The following AFF3 variants were observed in gnomAD, a reference collection of about 807,000 sequenced individuals.
AFF3 encodes the protein AF4/FMR2 family member 3.
Under a neutral mutation model 129.7 loss-of-function variants are expected in AFF3, and 32 were observed. The ratio of observed to expected loss-of-function variants is 0.25; its 90% confidence interval spans 0.19 to 0.33. The LOEUF (loss-of-function observed/expected upper bound fraction) is 0.33, where lower values mean the gene tolerates loss of function less well. AFF3 is among the 10% of genes least tolerant of loss of function. AFF3 has a pLI of 1.00. For missense variants in AFF3, 1,373 were observed against 1,592.0 expected (o/e 0.86, Z 2.34); for synonymous variants, 644 against 635.4 (o/e 1.01, Z -0.20).
chr2:100,006,360 A>C (rs186020178), intron 7 of AFF3: 1 of 325,922 alleles, frequency 3.1e-6, no homozygotes, highest in Admixed American at 4.4e-5. Context: ...GAAAATTCTC[A>C]AACTATAGTG....
chr2:100,140,026 A>G (rs1410968326), intron 1 of AFF3, among the ~76,000 whole-genome samples: 1 of 152,206 alleles, frequency 6.6e-6, no homozygotes, highest in African/African-American at 2.4e-5. Context: ...ATTAAGAACC[A>G]ACATTATTTA....
At chr2:99,896,825 C>T (rs1411226882) in intron 7 of AFF3, among the ~76,000 whole-genome samples, 3 of 151,356 alleles carry the variant, frequency 2.0e-5, no homozygotes, top group Admixed American at 6.6e-5. Context: ...TTAGTAGAGA[C>T]GGGGTTTCAC....
intron 7 of AFF3, among the ~76,000 whole-genome samples, chr2:99,866,877 G>C (rs2105938507): frequency 6.6e-6 from 1 of 151,338 alleles, no homozygotes; most frequent in Non-Finnish European, 1.5e-5. Context: ...TTGGGAGGCT[G>C]AGGCAGGAGA....
intron 7 of AFF3, among the ~76,000 whole-genome samples, chr2:99,896,619 GCTT>G (rs1558955558): frequency 1.1e-4 from 5 of 44,190 alleles, no homozygotes; most frequent in African/African-American, 3.3e-4. Flanking sequence ...CTGTCAAAAT[GCTT>G]TTTTTTTTTT....
At chr2:99,662,071 C>A (rs1418745943) in intron 12 of AFF3, among the ~76,000 whole-genome samples, 2 of 151,724 alleles carry the variant, frequency 1.3e-5, no homozygotes, top group African/African-American at 4.8e-5. Flanking sequence ...ACCCGGGAGG[C>A]GGAGGTTGCA....
intron 7 of AFF3, among the ~76,000 whole-genome samples, chr2:99,852,873 A>T (rs1261120604): frequency 6.6e-6 from 1 of 152,220 alleles, no homozygotes; most frequent in Non-Finnish European, 1.5e-5. Flanking sequence ...AAAAGACAAA[A>T]ATACAACAAC....
chr2:99,697,742 A>G (rs952144367), intron 11 of AFF3, among the ~76,000 whole-genome samples: 1 of 152,138 alleles, frequency 6.6e-6, no homozygotes, highest in African/African-American at 2.4e-5. Flanking sequence ...TCTGGTGTTA[A>G]CTCCTCAGCC....
chr2:99,696,954 T>G, intron 11 of AFF3, among the ~76,000 whole-genome samples: 1 of 152,208 alleles, frequency 6.6e-6, no homozygotes, highest in East Asian at 1.9e-4. Flanking sequence ...CCTGATGAAA[T>G]TCTTGATGGC....
chr2:99,601,688 C>T, intron 13 of AFF3, 67 bp from the exon 14 acceptor site: 1 of 1,538,622 alleles, frequency 6.5e-7, no homozygotes, highest in Non-Finnish European at 8.7e-7. Context: ...AGGAAAACAC[C>T]ACCAAGCTGT....
At chr2:100,011,223 G>A (rs1034923616) in intron 4 of AFF3, among the ~76,000 whole-genome samples, 4 of 152,148 alleles carry the variant, frequency 2.6e-5, no homozygotes, top group African/African-American at 9.7e-5. Context: ...GCAGTGAGCC[G>A]AGATTGCGCC....
chr2:99,935,678 C>T (rs1043853538), intron 7 of AFF3, among the ~76,000 whole-genome samples: 1 of 152,190 alleles, frequency 6.6e-6, no homozygotes, highest in African/African-American at 2.4e-5. Flanking sequence ...GTTTCTAGGA[C>T]CCCATAAATA....
chr2:99,734,874 G>A (rs1482751717), intron 10 of AFF3, among the ~76,000 whole-genome samples: 2 of 151,858 alleles, frequency 1.3e-5, no homozygotes, highest in Non-Finnish European at 2.9e-5. Context: ...AGGTTATACT[G>A]CCTTGATATA....
intron 2 of AFF3, among the ~76,000 whole-genome samples, chr2:100,108,346 A>T (rs2105519246): frequency 6.6e-6 from 1 of 152,100 alleles, no homozygotes; most frequent in African/African-American, 2.4e-5. Context: ...CTAGGATTCG[A>T]GGTGCCTTTC....
chr2:99,681,353 T>C (rs1674510125), intron 11 of AFF3, among the ~76,000 whole-genome samples: 1 of 152,190 alleles, frequency 6.6e-6, no homozygotes, highest in Non-Finnish European at 1.5e-5. Context: ...GGGTTTAGCA[T>C]TACCTGGGAT....
chr2:100,076,947 G>A (rs746503539), intron 4 of AFF3, among the ~76,000 whole-genome samples: 2 of 152,262 alleles, frequency 1.3e-5, no homozygotes, highest in Admixed American at 6.5e-5. Context: ...CTGTGCAGAT[G>A]TAAGTTAAAG....
chr2:99,570,525 A>G (rs1676379987), intron 18 of AFF3, among the ~76,000 whole-genome samples: 1 of 151,944 alleles, frequency 6.6e-6, no homozygotes, highest in Admixed American at 6.6e-5. Context: ...TTTAGTGGAG[A>G]CGGGGTTTTG....
At chr2:99,652,518 A>G (rs62154539) in intron 12 of AFF3, among the ~76,000 whole-genome samples, 15,533 of 152,186 alleles carry the variant, frequency 0.1, 908 homozygotes, top group East Asian at 0.16. Flanking sequence ...GCTGTAGGGA[A>G]CATGAGCTCC....
chr2:99,892,222 TTAA>T (rs1693622129), intron 7 of AFF3, among the ~76,000 whole-genome samples: 1 of 152,204 alleles, frequency 6.6e-6, no homozygotes, highest in Non-Finnish European at 1.5e-5. Flanking sequence ...AATGTCAAAA[TTAA>T]TAATGTTTAA....
Position 99,547,578 on chromosome 2 carries a change from T to C in AFF3, c.*3896A>G. On this transcript the variant is annotated 3_prime_UTR_variant, in exon 25 of 25. Transcript: ENST00000672756. Reference sequence around the variant, plus strand: ...TGTTATTTAAAAATATATATGTATATGCTACTGCACAGTTTCAAAGATGTG... The same window carrying C: ...TGTTATTTAAAAATATATATGTATACGCTACTGCACAGTTTCAAAGATGTG... 1 of 204,768 alleles carries C rather than the reference T, an allele frequency of 4.9e-6. No homozygotes were observed. 12.7% of individuals were successfully genotyped at this position (204,768 alleles called of 1,614,324 possible).
Sources: allele counts gnomAD v4.1 joint callset (sites outside exome capture counted in the v4.1 genomes callset), GRCh38; gene constraint gnomAD v4.1.1; transcripts MANE v1.5; gene names NCBI Gene and HGNC (gene_info 2026-07-23, HGNC 2026-07-21).